The following NDUFA5 variants were observed in gnomAD, a reference collection of about 807,000 sequenced individuals.
NDUFA5 encodes NADH dehydrogenase [ubiquinone] 1 alpha subcomplex subunit 5.
Under a neutral mutation model 19.8 loss-of-function variants are expected in NDUFA5, and 11 were observed. The observed-to-expected ratio is 0.56, with a 90% CI of 0.35 to 0.92. The LOEUF is 0.92. NDUFA5 is among the 40% of genes least tolerant of loss of function. The pLI, the probability that NDUFA5 is intolerant of heterozygous loss-of-function variation, is 0.01. For missense variants in NDUFA5, 109 were observed against 134.2 expected (o/e 0.81, Z 0.93); for synonymous variants, 47 against 46.8 (o/e 1.00, Z -0.01).
the NDUFA5 span, among the ~76,000 whole-genome samples, chr7:123,599,895 C>A: frequency 6.6e-6 from 1 of 152,140 alleles, no homozygotes; most frequent in African/African-American, 2.4e-5. Flanking sequence ...TCTCACCAGA[C>A]AAAACTAGAG....
In NDUFA5 at chr7:123,538,209, A is replaced by C. The variant is rs944610559; in HGVS notation, c.*3910T>G. 5 of 152,208 alleles carry C rather than the reference A, an allele frequency of 3.3e-5. No homozygotes were observed. Among genetic ancestry groups the C allele is most frequent in the Non-Finnish European group, 7.3e-5 (5 of 68,032 alleles). 9.4% of individuals were successfully genotyped at this position (152,208 alleles called of 1,614,324 possible). A position where few individuals can be genotyped will look rare whatever the true frequency, so the allele number is the denominator to read the frequency against. ...CTCAGCCTGGATTCCTTGTGGGTCT[A>C]TGAGCACTCCTTGCCAACCCTCCTT... On this transcript the variant is annotated 3_prime_UTR_variant, in exon 5 of 5. Coordinates refer to ENST00000355749, the MANE Select transcript of NDUFA5 (RefSeq NM_005000.5).
chr7:123,592,520 T>C, the NDUFA5 span, among the ~76,000 whole-genome samples: 2 of 152,224 alleles, frequency 1.3e-5, no homozygotes, highest in African/African-American at 4.8e-5. Context: ...ACATCTTCAT[T>C]TCTGCCTTCA....
chr7:123,582,155 G>T, the NDUFA5 span, among the ~76,000 whole-genome samples: 1 of 151,944 alleles, frequency 6.6e-6, no homozygotes. Flanking sequence ...TGCTCCTGTG[G>T]CTTCTTCTTG....
At chr7:123,594,258 C>G in the NDUFA5 span, among the ~76,000 whole-genome samples, 1 of 151,854 alleles carries the variant, frequency 6.6e-6, no homozygotes. Context: ...TTGTTATTAC[C>G]GACTTCTGAG....
upstream of NDUFA5, among the ~76,000 whole-genome samples, chr7:123,562,861 G>C (rs1798706314): frequency 6.8e-6 from 1 of 147,110 alleles, no homozygotes. Context: ...GCAGCAGCAC[G>C]ATCTCGCCTC....
At chr7:123,546,760 CT>C (rs1798147570) in intron 3 of NDUFA5, 1 of 1,151,962 alleles carries the variant, frequency 8.7e-7, no homozygotes, top group East Asian at 5.8e-5. Context: ...CTTTTCAAAT[CT>C]TTGCTCAAAT....
At chr7:123,595,791 A>G in the NDUFA5 span, among the ~76,000 whole-genome samples, 1 of 152,156 alleles carries the variant, frequency 6.6e-6, no homozygotes, top group Non-Finnish European at 1.5e-5. Flanking sequence ...ATCATTTCCC[A>G]CCCAAAGCCC....
chr7:123,552,810 G>A (rs1288835663), intron 2 of NDUFA5, among the ~76,000 whole-genome samples: 5 of 151,782 alleles, frequency 3.3e-5, no homozygotes, highest in East Asian at 1.9e-4. Flanking sequence ...TCAGACCCTC[G>A]CCTGATAGCT....
At position 123,542,095 on chromosome 7, in the gene NDUFA5, G is replaced by A. The variant is rs11555513; in HGVS notation, c.*24C>T. The A allele has an allele frequency of 3.3e-6, 5 of 1,534,988 alleles. No homozygotes were observed. The highest frequency in any genetic ancestry group is 1.8e-5 in the Admixed American group (1 of 55,986). On this transcript the variant is annotated 3_prime_UTR_variant, in exon 5 of 5. Coordinates refer to ENST00000355749, the MANE Select transcript of NDUFA5 (RefSeq NM_005000.5). ...ATATTTAATTACATCAGTTTCCCATGAACACACCAAAGTCACTTAATAATT... is the reference window on the plus strand; with the variant it reads ...ATATTTAATTACATCAGTTTCCCATAAACACACCAAAGTCACTTAATAATT...
At position 123,537,113 on chromosome 7, in the gene NDUFA5, A is replaced by G. The variant is rs1373388613; in HGVS notation, c.*5006T>C. 6.6e-6 allele frequency: 1 copy of G among 152,234 alleles called. No homozygotes were observed. Among genetic ancestry groups the G allele is most frequent in the Non-Finnish European group, 1.5e-5 (1 of 68,032 alleles). 9.4% of individuals were successfully genotyped at this position (152,234 alleles called of 1,614,324 possible). A position where few individuals can be genotyped will look rare whatever the true frequency, so the allele number is the denominator to read the frequency against. On this transcript the variant is annotated 3_prime_UTR_variant, in exon 5 of 5. Transcript: ENST00000355749. Reference sequence around the variant, plus strand: ...AATACCATTTTCCATTTTCCTTTTCATGATAAATCTATGCATTTTCTCAGG... The same window carrying G: ...AATACCATTTTCCATTTTCCTTTTCGTGATAAATCTATGCATTTTCTCAGG...
chr7:123,542,291 A>T, intron 4 of NDUFA5, 71 bp from the exon 5 acceptor site: 3 of 1,107,358 alleles, frequency 2.7e-6, no homozygotes, highest in Non-Finnish European at 4.0e-6. Context: ...AACAACTGAA[A>T]TTTAACTATT....
the NDUFA5 span, among the ~76,000 whole-genome samples, chr7:123,566,807 CATTTGG>C: frequency 2.0e-5 from 3 of 152,170 alleles, no homozygotes; most frequent in African/African-American, 7.2e-5. Flanking sequence ...CTGGAAACCA[CATTTGG>C]ATTTGGCCGA....
chr7:123,545,134 G>T (rs1798083381), intron 4 of NDUFA5, among the ~76,000 whole-genome samples: 1 of 151,908 alleles, frequency 6.6e-6, no homozygotes, highest in Non-Finnish European at 1.5e-5. Context: ...GTTAGTATTT[G>T]GGAAATAATG....
chr7:123,585,634 TTTG>T, the NDUFA5 span, among the ~76,000 whole-genome samples: 1 of 134,646 alleles, frequency 7.4e-6, no homozygotes, highest in Non-Finnish European at 1.6e-5. Flanking sequence ...ATAGTTACTA[TTTG>T]TGTGTGTGTG....
the NDUFA5 span, among the ~76,000 whole-genome samples, chr7:123,598,493 T>G: frequency 1.3e-5 from 2 of 152,186 alleles, no homozygotes; most frequent in Non-Finnish European, 2.9e-5. Context: ...AAGTACTTTG[T>G]TCGCAAAAGG....
rs1797804614 is a variant in NDUFA5, at chr7:123,538,053, A to G, written c.*4066T>C. On this transcript the variant is annotated 3_prime_UTR_variant, in exon 5 of 5. Transcript: ENST00000355749. ...GTGATGCATGGCAAGTTCAATTCAT[A>G]AATTTTGTGGCACAGTCAAAAAAAA... 1 of 152,192 alleles carries G rather than the reference A, an allele frequency of 6.6e-6. No individual in the cohort carries two copies. The highest frequency in any genetic ancestry group is 1.5e-5 in the Non-Finnish European group (1 of 68,038). The allele number at this position is 152,192 out of a possible 1,614,324, so 9.4% of individuals were successfully genotyped here. A position where few individuals can be genotyped will look rare whatever the true frequency, so the allele number is the denominator to read the frequency against.
chr7:123,557,575 T>A lies in NDUFA5; in HGVS notation c.22-127A>T, dbSNP rs557978945. The A allele has an allele frequency of 1.3e-5, 21 of 1,612,408 alleles. No individual in the cohort carries two copies. In the East Asian group the frequency reaches 3.8e-4, roughly 29 times the overall value. ...CTAAAGCCAGCTACTGGTCTCTCAGTCTCGCTTGTTTGGAGCTTTTTTCCT... is the reference window on the plus strand; with the variant it reads ...CTAAAGCCAGCTACTGGTCTCTCAGACTCGCTTGTTTGGAGCTTTTTTCCT... On this transcript the variant is annotated intron_variant, in intron 1 of 4. Transcript: ENST00000355749.
the NDUFA5 span, among the ~76,000 whole-genome samples, chr7:123,600,114 C>T: frequency 6.6e-6 from 1 of 152,046 alleles, no homozygotes; most frequent in Non-Finnish European, 1.5e-5. Context: ...AATGGTGGTG[C>T]CATGGTCATT....
intron 2 of NDUFA5, 52 bp downstream of exon 2, chr7:123,557,352 A>G: frequency 3.7e-6 from 6 of 1,611,550 alleles, no homozygotes; most frequent in Non-Finnish European, 5.1e-6. Flanking sequence ...AAGTGACAGG[A>G]ATTTAGTCTT....
Sources: allele counts gnomAD v4.1 joint callset (sites outside exome capture counted in the v4.1 genomes callset), GRCh38; gene constraint gnomAD v4.1.1; transcripts MANE v1.5; gene names NCBI Gene and HGNC (gene_info 2026-07-23, HGNC 2026-07-21).